CABCOCO1: variants seen among roughly 807,000 people sequenced by gnomAD.
The protein encoded by CABCOCO1 is ciliary associated calcium binding coiled-coil 1.
CABCOCO1 carries 28 observed loss-of-function variants against 35.7 expected under a neutral mutation model. That is an observed-to-expected ratio of 0.78 (90% CI 0.58 to 1.07). The LOEUF (loss-of-function observed/expected upper bound fraction) is 1.07, where lower values mean the gene tolerates loss of function less well. Among genes scored for constraint, CABCOCO1 ranks in the 50% least tolerant of loss-of-function variants. CABCOCO1 has a pLI of 0.00. For synonymous variants in CABCOCO1, 95 were observed against 100.1 expected, an observed-to-expected ratio of 0.95 and a Z score of 0.30; for missense variants, 326 against 309.2, an observed-to-expected ratio of 1.05 and a Z score of -0.41.
intron 5 of CABCOCO1, among the ~76,000 whole-genome samples, chr10:61,724,923 G>T (rs1227518623): frequency 6.6e-6 from 1 of 152,140 alleles, no homozygotes; most frequent in African/African-American, 2.4e-5. Context: ...TAACAAACCT[G>T]CATGTTGTGC....
intron 3 of CABCOCO1, among the ~76,000 whole-genome samples, chr10:61,683,027 A>G (rs1270443245): frequency 6.6e-6 from 1 of 151,670 alleles, no homozygotes; most frequent in Non-Finnish European, 1.5e-5. Flanking sequence ...AGTAGCTGGG[A>G]CTACAGGCAT....
At chr10:61,743,691 T>C (rs1841597298) in intron 5 of CABCOCO1, among the ~76,000 whole-genome samples, 1 of 152,154 alleles carries the variant, frequency 6.6e-6, no homozygotes, top group Non-Finnish European at 1.5e-5. Flanking sequence ...TTCTAGAATG[T>C]TCTCCGTATG....
At chr10:61,701,929 G>A (rs1345514359) in intron 5 of CABCOCO1, 3 of 507,206 alleles carry the variant, frequency 5.9e-6, no homozygotes, top group Admixed American at 6.4e-5. Flanking sequence ...ACCAAAGATC[G>A]TTGGATCTTC....
rs1418568991 is a variant in CABCOCO1, at chr10:61,663,024, G to A, written c.52G>A (p.Glu18Lys). ...GCCGACCCCGGCGGGAACCACGCCC[G>A]AATCGGAGGTACACCGCCCCTTTCC... Reference protein sequence around the residue: ...WGPTPAGTTPESERDTEFQEH... With the variant: ...WGPTPAGTTPKSERDTEFQEH... Residue 18 changes from glutamate to lysine, a missense_variant, in exon 1 of 8, where the codon GAA becomes AAA. Physicochemically the swap from Glu to Lys is moderately conservative, Grantham distance 56. Coordinates refer to ENST00000648843, the MANE Select transcript of CABCOCO1 (RefSeq NM_001366906.2). 2 of 314,950 alleles carry A rather than the reference G, an allele frequency of 6.4e-6. No individual in the cohort carries two copies. The highest frequency in any genetic ancestry group is 1.4e-5 in the Non-Finnish European group (2 of 145,952). The allele number at this position is 314,950 out of a possible 1,614,324, so 19.5% of individuals were successfully genotyped here. A position where few individuals can be genotyped will look rare whatever the true frequency, so the allele number is the denominator to read the frequency against.
intron 5 of CABCOCO1, among the ~76,000 whole-genome samples, chr10:61,757,952 G>C (rs921791054): frequency 6.6e-6 from 1 of 152,062 alleles, no homozygotes; most frequent in Non-Finnish European, 1.5e-5. Flanking sequence ...ACTTCCACAG[G>C]GGGTGAGGGC....
At chr10:61,701,559 G>T (rs1242854632) in intron 5 of CABCOCO1, 1 of 849,078 alleles carries the variant, frequency 1.2e-6, no homozygotes, top group African/African-American at 1.8e-5. Flanking sequence ...CTGGCCAATA[G>T]ATGGCAGGAC....
At chr10:61,723,325 T>C (rs756743391) in intron 5 of CABCOCO1, among the ~76,000 whole-genome samples, 10 of 152,190 alleles carry the variant, frequency 6.6e-5, no homozygotes, top group Non-Finnish European at 1.3e-4. Flanking sequence ...AATACGAATA[T>C]AAGAATATTT....
rs547307702 is a variant in CABCOCO1, at chr10:61,678,890, CT to C, written c.165-2249del. On this transcript the variant is annotated intron_variant, in intron 2 of 7. Transcript: ENST00000648843. ...ATTAGCTTAGAATAATCAGAACTCA[CT>C]TTTGGGTTTCAGGTCTACCCTGACA... Among the ~76,000 whole-genome samples, 170 of 152,178 alleles carry C rather than the reference CT, an allele frequency of 1.1e-3. 1 individual carries two copies. Among genetic ancestry groups the C allele is most frequent in the African/African-American group, 3.9e-3 (161 of 41,528 alleles).
chr10:61,690,488 C>T, intron 4 of CABCOCO1, 61 bp from the exon 5 acceptor site: 1 of 1,122,048 alleles, frequency 8.9e-7, no homozygotes, highest in Non-Finnish European at 1.3e-6. Context: ...AATGTCTTTA[C>T]ATATTGTGTT....
chr10:61,764,093 G>C (rs1842061568), intron 7 of CABCOCO1, among the ~76,000 whole-genome samples: 1 of 152,004 alleles, frequency 6.6e-6, no homozygotes, highest in Non-Finnish European at 1.5e-5. Flanking sequence ...TACCAGAAAG[G>C]CCTCCAAGTG....
At chr10:61,667,615 C>T (rs11812529) in intron 1 of CABCOCO1, among the ~76,000 whole-genome samples, 19,810 of 151,672 alleles carry the variant, frequency 0.13, 1,560 homozygotes, top group East Asian at 0.2. Flanking sequence ...CTATACCTTT[C>T]TCATCATATT....
Position 61,675,608 on chromosome 10 carries a change from C to T in CABCOCO1, c.164+2873C>T, listed in dbSNP as rs899849629. On this transcript the variant is annotated intron_variant, in intron 2 of 7. Transcript: ENST00000648843. ...CAGGGCAAATATTTAATTAAAAATACGTAGTGTGCAGATGGCAGATGATGA... is the reference window on the plus strand; with the variant it reads ...CAGGGCAAATATTTAATTAAAAATATGTAGTGTGCAGATGGCAGATGATGA... Among the ~76,000 whole-genome samples the T allele has an allele frequency of 2.6e-5, 4 of 151,958 alleles. No homozygotes were observed. The East Asian group carries it at 5.8e-4, about 22-fold the overall frequency.
chr10:61,739,097 C>A (rs138337709), intron 5 of CABCOCO1, among the ~76,000 whole-genome samples: 2 of 152,090 alleles, frequency 1.3e-5, no homozygotes, highest in Non-Finnish European at 2.9e-5. Flanking sequence ...CTACATTCTA[C>A]GGAAAACGAT....
At chr10:61,693,935 T>G (rs189586013) in intron 5 of CABCOCO1, among the ~76,000 whole-genome samples, 5 of 152,138 alleles carry the variant, frequency 3.3e-5, no homozygotes, top group Non-Finnish European at 7.4e-5. Flanking sequence ...TGTAGGTATC[T>G]TATTTGGATC....
At chr10:61,712,114 TCCTATTTCTCCACATCCTCCACAGC>T (rs55669301) in intron 5 of CABCOCO1, among the ~76,000 whole-genome samples, 83,155 of 151,328 alleles carry the variant, frequency 0.55, 23,717 homozygotes, top group Admixed American at 0.67. Flanking sequence ...GTAAAAGCAT[TCCTATTTCTCCACATCCTCCACAGC>T]CCTATTTCTC....
Position 61,727,614 on chromosome 10 carries a change from C to T in CABCOCO1, c.553-32445C>T, listed in dbSNP as rs761704610. On this transcript the variant is annotated intron_variant, in intron 5 of 7. Coordinates refer to ENST00000648843, the MANE Select transcript of CABCOCO1 (RefSeq NM_001366906.2). Reference sequence around the variant, plus strand: ...AAAAAGCAAAGATTTTTGCATGTTTCTGGGATAAAAGAAAAGCAGAAATAT... The same window carrying T: ...AAAAAGCAAAGATTTTTGCATGTTTTTGGGATAAAAGAAAAGCAGAAATAT... 2.6e-5 allele frequency among the ~76,000 whole-genome samples: 4 copies of T among 152,218 alleles called. No individual in the cohort carries two copies. In the East Asian group the frequency reaches 7.7e-4, roughly 29 times the overall value.
At chr10:61,762,642 G>T (rs1429398515) in intron 7 of CABCOCO1, among the ~76,000 whole-genome samples, 1 of 152,064 alleles carries the variant, frequency 6.6e-6, no homozygotes, top group African/African-American at 2.4e-5. Context: ...TAAACTCCAT[G>T]TGAGTTAGGC....
intron 5 of CABCOCO1, among the ~76,000 whole-genome samples, chr10:61,755,386 A>G (rs916205931): frequency 1.3e-5 from 2 of 152,154 alleles, no homozygotes; most frequent in African/African-American, 4.8e-5. Flanking sequence ...TAGTTAAAAC[A>G]TTACAGGAAT....
At chr10:61,720,079 T>A (rs558976876) in intron 5 of CABCOCO1, among the ~76,000 whole-genome samples, 2 of 152,056 alleles carry the variant, frequency 1.3e-5, no homozygotes, top group African/African-American at 4.8e-5. Context: ...GAATAAAAAA[T>A]CATTCAAAGA....
Sources: allele counts gnomAD v4.1 joint callset (sites outside exome capture counted in the v4.1 genomes callset), GRCh38; gene constraint gnomAD v4.1.1; transcripts MANE v1.5; gene names NCBI Gene and HGNC (gene_info 2026-07-23, HGNC 2026-07-21).